SRP14: variants seen among roughly 807,000 people sequenced by gnomAD.
SRP14 encodes the protein signal recognition particle 14.
SRP14 carries 1 observed loss-of-function variant against 16.0 expected under a neutral mutation model. That is an observed-to-expected ratio of 0.06 (90% CI 0.02 to 0.30). SRP14 has a LOEUF of 0.30. Ranked by LOEUF, SRP14 falls within the 10% of genes least tolerant of loss-of-function variation. SRP14 has a pLI of 1.00. For synonymous variants in SRP14, 67 were observed against 60.1 expected (o/e 1.12, Z -0.53); for missense variants, 120 against 163.1 (o/e 0.74, Z 1.44).
intron 3 of SRP14, 130 bp from the exon 4 acceptor site, chr15:40,037,148 G>T: frequency 7.9e-7 from 1 of 1,272,890 alleles, no homozygotes. Flanking sequence ...CCCAACTTCA[G>T]GGTTCATAAT....
Position 40,039,057 on chromosome 15 carries a change from C to T in SRP14, c.24+36G>A, listed in dbSNP as rs368818716. ...CACAGGTCTCGAGTAACGCCTGAGCCGCCCCCTTCCCTCGGCCGGCCAGGC... is the reference window on the plus strand; with the variant it reads ...CACAGGTCTCGAGTAACGCCTGAGCTGCCCCCTTCCCTCGGCCGGCCAGGC... On this transcript the variant is annotated intron_variant, in intron 1 of 4. Coordinates refer to ENST00000267884, the MANE Select transcript of SRP14 (RefSeq NM_003134.6). 2.7e-5 allele frequency: 44 copies of T among 1,608,164 alleles called. No individual in the cohort carries two copies. In the African/African-American group the frequency reaches 5.1e-4, roughly 19 times the overall value.
intron 2 of SRP14, 105 bp downstream of exon 2, chr15:40,038,771 T>C: frequency 3.3e-6 from 4 of 1,220,052 alleles, no homozygotes; most frequent in Non-Finnish European, 4.7e-6. Context: ...CAGTACAGGG[T>C]GGGGAAAGGT....
At position 40,035,692 on chromosome 15, in the gene SRP14, A is replaced by G. The variant is rs1186096781; in HGVS notation, c.*641T>C. 1 of 152,320 alleles carries G rather than the reference A, an allele frequency of 6.6e-6. No homozygotes were observed. Among genetic ancestry groups the G allele is most frequent in the Non-Finnish European group, 1.5e-5 (1 of 68,096 alleles). The allele number at this position is 152,320 out of a possible 1,614,324, so 9.4% of individuals were successfully genotyped here. ...CTTCCCTTGGCTGTAATGACTAAGC[A>G]CATGAAAATATCCAAACCAAAGGGC... is the stretch of plus-strand genomic sequence containing the variant. On this transcript the variant is annotated 3_prime_UTR_variant, in exon 5 of 5. Coordinates refer to ENST00000267884, the MANE Select transcript of SRP14 (RefSeq NM_003134.6).
Position 40,037,033 on chromosome 15 carries a change from A to G in SRP14, c.211-15T>C. 1.2e-6 allele frequency: 2 copies of G among 1,612,868 alleles called. No homozygotes were observed. Among genetic ancestry groups the G allele is most frequent in the Non-Finnish European group, 1.7e-6 (2 of 1,179,812 alleles). On this transcript the variant is annotated splice_polypyrimidine_tract_variant and intron_variant, in intron 3 of 4. Coordinates refer to ENST00000267884, the MANE Select transcript of SRP14 (RefSeq NM_003134.6). ...TTGGAGCTCACCTGAAAAAGAAGGA[A>G]AAAAGAGGTCATACCTATTATCCAT...
intron 3 of SRP14, 59 bp from the exon 4 acceptor site, chr15:40,037,077 AC>A (rs1480370572): frequency 5.7e-6 from 9 of 1,569,384 alleles, no homozygotes; most frequent in South Asian, 1.2e-5. Flanking sequence ...CCTCTTCTCC[AC>A]CCCAGATAGT....
rs1023044433 is a variant in SRP14, at chr15:40,038,611, A to T, written c.98-217T>A. ...GTAATATCGAAGCACGTTAAATTCCACTCAAAGTGGCGGCGTCTGGGATCC... is the reference window on the plus strand; with the variant it reads ...GTAATATCGAAGCACGTTAAATTCCTCTCAAAGTGGCGGCGTCTGGGATCC... On this transcript the variant is annotated intron_variant, in intron 2 of 4. Coordinates refer to ENST00000267884, the MANE Select transcript of SRP14 (RefSeq NM_003134.6). 2.5e-5 allele frequency: 15 copies of T among 607,338 alleles called. No homozygotes were observed. In the African/African-American group the frequency reaches 2.8e-4, roughly 11 times the overall value. 37.6% of individuals were successfully genotyped at this position (607,338 alleles called of 1,614,324 possible). A position where few individuals can be genotyped will look rare whatever the true frequency, so the allele number is the denominator to read the frequency against.
At chr15:40,038,539 G>C in intron 2 of SRP14, 145 bp from the exon 3 acceptor site, 1 of 637,198 alleles carries the variant, frequency 1.6e-6, no homozygotes, top group East Asian at 2.7e-5. Flanking sequence ...CTGCTATCAC[G>C]GTCTGGCGAA....
intron 3 of SRP14, 61 bp from the exon 4 acceptor site, chr15:40,037,079 C>A: frequency 1.3e-6 from 2 of 1,560,984 alleles, no homozygotes; most frequent in South Asian, 1.2e-5. Flanking sequence ...TCTTCTCCAC[C>A]CCAGATAGTA....
Position 40,036,359 on chromosome 15 carries a change from TTGC to T in SRP14, c.382_384del (p.Ala128del). The stretch of plus-strand genomic sequence containing the variant: ...TACTGTGCTGCTGTTGCTGCTGTTG[TTGC>T]TGCTGTTGTTGGTGCTGTTGCTGCT... On this transcript the variant is annotated inframe_deletion, in exon 5 of 5. Coordinates refer to ENST00000267884, the MANE Select transcript of SRP14 (RefSeq NM_003134.6). The T allele has an allele frequency of 6.2e-7, 1 of 1,611,970 alleles. No individual in the cohort carries two copies. Among genetic ancestry groups the T allele is most frequent in the Non-Finnish European group, 8.5e-7 (1 of 1,179,742 alleles).
rs116347164 is a variant in SRP14, at chr15:40,038,036, G to A, written c.210+246C>T. Among the ~76,000 whole-genome samples, 395 of 152,324 alleles carry A rather than the reference G, an allele frequency of 2.6e-3. 1 individual carries two copies. The highest frequency in any genetic ancestry group is 9.2e-3 in the African/African-American group (384 of 41,568). On this transcript the variant is annotated intron_variant, in intron 3 of 4. Coordinates refer to ENST00000267884, the MANE Select transcript of SRP14 (RefSeq NM_003134.6). The stretch of plus-strand genomic sequence containing the variant: ...TGCCAGCTGCTCCTTACAGTACTAC[G>A]AATAAGGACCAATATGCTACTTTCA...
At chr15:40,037,136 T>C in intron 3 of SRP14, 118 bp from the exon 4 acceptor site, 3 of 1,300,956 alleles carry the variant, frequency 2.3e-6, no homozygotes, top group Non-Finnish European at 3.1e-6. Flanking sequence ...AAAATACTTC[T>C]CCCCAACTTC....
In SRP14 at chr15:40,038,834, G is replaced by A. The variant is rs200932696; in HGVS notation, c.97+42C>T. 5.5e-5 allele frequency: 88 copies of A among 1,605,902 alleles called. No homozygotes were observed. The African/African-American group carries it at 1.1e-3, about 20-fold the overall frequency. On this transcript the variant is annotated intron_variant, in intron 2 of 4. Coordinates refer to ENST00000267884, the MANE Select transcript of SRP14 (RefSeq NM_003134.6). Reference sequence around the variant, plus strand: ...AGACTCCGGTGGCTCCCAGACACCGGGAACCCAGGGAGCATCGCCCGGCTC... The same window carrying A: ...AGACTCCGGTGGCTCCCAGACACCGAGAACCCAGGGAGCATCGCCCGGCTC...
chr15:40,037,294 A>AAG, intron 3 of SRP14: 1 of 1,352,536 alleles, frequency 7.4e-7, no homozygotes, highest in Non-Finnish European at 9.5e-7. Flanking sequence ...AAAAAAAAAA[A>AAG]GCTTTGTTTC....
intron 3 of SRP14, chr15:40,037,238 G>C: frequency 8.4e-7 from 1 of 1,185,226 alleles, no homozygotes. Flanking sequence ...TTCCACATGA[G>C]AATTGCACCA....
At position 40,039,111 on chromosome 15, in the gene SRP14, C is replaced by T. The variant is rs749946528; in HGVS notation, c.6G>A (p.Val2=). M[V]LLESEQFLTE... is the part of the protein sequence containing the mutation. ...GCCATACCTGCTCGCTCTCCAACAA[C>T]ACCATCGCGGCGACGCTGGCTCGAC... Residue 2 remains valine, a synonymous_variant, in exon 1 of 5, where the codon GTG becomes GTA. Transcript: ENST00000267884. 1 of 1,612,456 alleles carries T rather than the reference C, an allele frequency of 6.2e-7. No homozygotes were observed. The highest frequency in any genetic ancestry group is 2.2e-5 in the East Asian group (1 of 44,852).
At chr15:40,037,984 G>A (rs2035656663) in intron 3 of SRP14, among the ~76,000 whole-genome samples, 1 of 152,208 alleles carries the variant, frequency 6.6e-6, no homozygotes, top group Admixed American at 6.5e-5. Flanking sequence ...GCCCAGCACA[G>A]TAAGGGGCTA....
chr15:40,036,853 G>T, intron 4 of SRP14, 133 bp downstream of exon 4: 1 of 1,034,060 alleles, frequency 9.7e-7, no homozygotes, highest in Non-Finnish European at 1.5e-6. Context: ...CACCCTGGCA[G>T]CTTTTACTTG....
chr15:40,037,686 GTCCTCTCAAGATAACTCA>G, intron 3 of SRP14, among the ~76,000 whole-genome samples: 1 of 21,868 alleles, frequency 4.6e-5, no homozygotes, highest in Admixed American at 3.3e-4. Context: ...TACTGTAGAA[GTCCTCTCAAGATAACTCA>G]AGACTTCCAA....
chr15:40,038,617 A>C, intron 2 of SRP14: 1 of 607,414 alleles, frequency 1.6e-6, no homozygotes, highest in East Asian at 2.7e-5. Context: ...TTCCACTCAA[A>C]GTGGCGGCGT....
Sources: allele counts gnomAD v4.1 joint callset (sites outside exome capture counted in the v4.1 genomes callset), GRCh38; gene constraint gnomAD v4.1.1; transcripts MANE v1.5; gene names NCBI Gene and HGNC (gene_info 2026-07-23, HGNC 2026-07-21).